Variants in DACH2 observed in about 807,000 individuals in gnomAD.
DACH2 encodes dachshund family transcription factor 2, also known as dachshund homolog 2.
DACH2 carries 17 observed loss-of-function variants against 35.8 expected under a neutral mutation model. The observed-to-expected ratio is 0.48, with a 90% CI of 0.33 to 0.71. The LOEUF is 0.71. Ranked by LOEUF, DACH2 falls within the 30% of genes least tolerant of loss-of-function variation. DACH2 has a pLI of 0.02. For synonymous variants in DACH2, 195 were observed against 177.3 expected (o/e 1.10, Z -0.79); for missense variants, 469 against 472.7 (o/e 0.99, Z 0.07).
intron 1 of DACH2, among the ~76,000 whole-genome samples, chrX:86,172,060 T>A (rs1176262395): frequency 8.9e-6 from 1 of 112,252 alleles, no homozygotes; most frequent in Non-Finnish European, 1.9e-5. Context: ...ACAATTTGAA[T>A]TCAAGAACAC....
intron 2 of DACH2, among the ~76,000 whole-genome samples, chrX:86,399,049 C>A (rs975745402): frequency 2.7e-5 from 3 of 111,511 alleles, no homozygotes; most frequent in African/African-American, 9.8e-5. Context: ...TAAGGACTTG[C>A]TTTATGAATC....
At chrX:86,530,323 G>T (rs1324338833) in intron 3 of DACH2, among the ~76,000 whole-genome samples, 3 of 111,758 alleles carry the variant, frequency 2.7e-5, no homozygotes, top group South Asian at 3.7e-4. Flanking sequence ...ATATGGTTTG[G>T]CTCTGTGTCC....
chrX:86,741,507 C>T (rs2041655695), intron 7 of DACH2, among the ~76,000 whole-genome samples: 1 of 111,542 alleles, frequency 9.0e-6, no homozygotes, highest in South Asian at 3.8e-4. Context: ...ACCAGTGGAT[C>T]AGAACTTGAG....
rs181990328 is a variant in DACH2, at chrX:86,670,463, G to T, written c.772+19296G>T. ...TCCAAAACAAATAAATAAATAAATA[G>T]AAATTTTATAATAAACATTGATTTT... On this transcript the variant is annotated intron_variant, in intron 4 of 11. Coordinates refer to ENST00000373125, the MANE Select transcript of DACH2 (RefSeq NM_053281.3). Among the ~76,000 whole-genome samples the T allele has an allele frequency of 3.9e-4, 44 of 111,710 alleles. 1 individual carries two copies. In the East Asian group the frequency reaches 5.9e-3, roughly 15 times the overall value.
intron 4 of DACH2, among the ~76,000 whole-genome samples, chrX:86,681,696 T>A (rs1602780864): frequency 1.2e-4 from 1 of 8,660 alleles, no homozygotes; most frequent in African/African-American, 1.7e-3. Flanking sequence ...ACTTGTGGCA[T>A]TTTTATTGTA....
chrX:86,274,450 CCTTTTTTTTTTTTT>C (rs1386302890), intron 1 of DACH2, among the ~76,000 whole-genome samples: 1 of 57,308 alleles, frequency 1.7e-5, no homozygotes, highest in Non-Finnish European at 2.8e-5. Context: ...AACATTAAAT[CCTTTTTTTTTTTTT>C]CTTTTTTTTT....
intron 9 of DACH2, among the ~76,000 whole-genome samples, chrX:86,814,140 G>A (rs936433071): frequency 1.8e-5 from 2 of 111,804 alleles, no homozygotes; most frequent in Admixed American, 1.9e-4. Context: ...CAGAGAGAGA[G>A]AGAGACTGAT....
chrX:86,551,941 T>C (rs1484742683), intron 3 of DACH2, among the ~76,000 whole-genome samples: 2 of 111,801 alleles, frequency 1.8e-5, no homozygotes, highest in Admixed American at 1.9e-4. Flanking sequence ...GTTTTATACC[T>C]AGGGTGATTT....
At chrX:86,511,502 A>G (rs2148267782) in intron 2 of DACH2, among the ~76,000 whole-genome samples, 1 of 111,831 alleles carries the variant, frequency 8.9e-6, no homozygotes, top group South Asian at 3.7e-4. Context: ...GAAATTTTAA[A>G]TAACAGGGCA....
intron 1 of DACH2, among the ~76,000 whole-genome samples, chrX:86,262,749 C>G (rs1436215237): frequency 8.9e-6 from 1 of 111,883 alleles, no homozygotes; most frequent in Non-Finnish European, 1.9e-5. Context: ...AGCAGTTGAA[C>G]TACAGTGGAA....
intron 3 of DACH2, among the ~76,000 whole-genome samples, chrX:86,533,598 A>G (rs753445524): frequency 1.2e-4 from 13 of 111,965 alleles, no homozygotes; most frequent in Non-Finnish European, 2.3e-4. Flanking sequence ...TTATTTTTTG[A>G]CATAAGTACT....
intron 7 of DACH2, among the ~76,000 whole-genome samples, chrX:86,799,952 G>A (rs1198709398): frequency 1.8e-5 from 2 of 111,285 alleles, no homozygotes; most frequent in African/African-American, 3.3e-5. Flanking sequence ...AACACTCTGA[G>A]GTAGATCTTT....
chrX:86,407,770 T>C (rs190915403), intron 2 of DACH2, among the ~76,000 whole-genome samples: 8 of 111,387 alleles, frequency 7.2e-5, no homozygotes, highest in African/African-American at 2.6e-4. Flanking sequence ...ATGGATAGAG[T>C]ATGATTTTGT....
At chrX:86,646,965 C>T (rs1443789236) in intron 3 of DACH2, among the ~76,000 whole-genome samples, 4 of 108,806 alleles carry the variant, frequency 3.7e-5, no homozygotes, top group African/African-American at 6.6e-5. Context: ...AAATCAAAAC[C>T]GTAATGAGAT....
intron 2 of DACH2, among the ~76,000 whole-genome samples, chrX:86,421,266 A>G (rs2036798118): frequency 8.9e-6 from 1 of 111,969 alleles, no homozygotes; most frequent in South Asian, 3.7e-4. Context: ...ATCAATAGTT[A>G]ACAACCATAT....
chrX:86,418,096 CA>C (rs767660736), intron 2 of DACH2, among the ~76,000 whole-genome samples: 1 of 112,360 alleles, frequency 8.9e-6, no homozygotes, highest in Non-Finnish European at 1.9e-5. Flanking sequence ...CACACTGATG[CA>C]AAAGGTGGGT....
intron 2 of DACH2, among the ~76,000 whole-genome samples, chrX:86,455,408 G>T (rs1295917445): frequency 9.0e-6 from 1 of 111,603 alleles, no homozygotes; most frequent in African/African-American, 3.3e-5. Flanking sequence ...GAACTGCAGC[G>T]ATGGTGACCG....
chrX:86,762,745 G>A (rs1265619009), intron 7 of DACH2, among the ~76,000 whole-genome samples: 1 of 111,694 alleles, frequency 9.0e-6, no homozygotes, highest in Non-Finnish European at 1.9e-5. Context: ...ATACAGACAT[G>A]CAATGTGAAA....
At chrX:86,309,389 A>T (rs1244493937) in intron 1 of DACH2, among the ~76,000 whole-genome samples, 1 of 112,361 alleles carries the variant, frequency 8.9e-6, no homozygotes, top group African/African-American at 3.2e-5. Context: ...TCCTGTTTAT[A>T]AGCCCCACCA....
Sources: allele counts gnomAD v4.1 joint callset (sites outside exome capture counted in the v4.1 genomes callset), GRCh38; gene constraint gnomAD v4.1.1; transcripts MANE v1.5; gene names NCBI Gene and HGNC (gene_info 2026-07-23, HGNC 2026-07-21).